MYH11: variants seen among roughly 807,000 people sequenced by gnomAD.
The protein encoded by MYH11 is myosin heavy chain 11, also known as myosin-11.
A neutral mutation model predicts 246.6 loss-of-function variants in MYH11; 80 were observed. The ratio of observed to expected loss-of-function variants is 0.32; its 90% CI spans 0.27 to 0.39. The LOEUF (loss-of-function observed/expected upper bound fraction) is 0.39, where lower values mean the gene tolerates loss of function less well. Ranked by LOEUF, MYH11 falls within the 10% of genes least tolerant of loss-of-function variation. The pLI is 1.00. For synonymous variants in MYH11, 1,071 were observed against 1,015.5 expected (o/e 1.05, Z -1.04); for missense variants, 2,158 against 2,546.8 (o/e 0.85, Z 3.29).
At chr16:15,812,748 C>T (rs890348047) in intron 3 of MYH11, among the ~76,000 whole-genome samples, 1 of 151,910 alleles carries the variant, frequency 6.6e-6, no homozygotes, top group Non-Finnish European at 1.5e-5. Flanking sequence ...TGGTGCATGG[C>T]TGCAGTCCCA....
In MYH11 at chr16:15,771,570, T is replaced by A. The variant is rs112474866; in HGVS notation, c.1032A>T (p.Leu344=). The change falls in exon 9 of 41, where the codon CTA becomes CTT. Residue 344 remains leucine, a splice_region_variant and synonymous_variant. Coordinates refer to ENST00000300036, the MANE Select transcript of MYH11 (RefSeq NM_002474.3). ...AIMGFSEEEQ[L]SILKVVSSVL... ...CCAGACTCAAGGTGTGAGGCTTACA[T>A]AGCTGCTCCTCCTCGCTGAAACCCA... 17 of 1,613,442 alleles carry A rather than the reference T, an allele frequency of 1.1e-5. No homozygotes were observed. The South Asian group carries it at 1.3e-4, about 13-fold the overall frequency.
At chr16:15,719,798 C>G (rs1596714752) in intron 34 of MYH11, 85 bp from the exon 35 acceptor site, 3 of 1,572,034 alleles carry the variant, frequency 1.9e-6, no homozygotes, top group Non-Finnish European at 2.6e-6. Context: ...ACACCCACCC[C>G]TTGGATTTTC....
intron 20 of MYH11, among the ~76,000 whole-genome samples, chr16:15,744,121 A>T (rs906183733): frequency 1.4e-5 from 2 of 144,780 alleles, no homozygotes; most frequent in African/African-American, 5.0e-5. Flanking sequence ...TGCAAAAAGT[A>T]AAAAAAAAAA....
At chr16:15,706,008 A>T (rs1420192690) in intron 40 of MYH11, among the ~76,000 whole-genome samples, 4 of 150,900 alleles carry the variant, frequency 2.7e-5, no homozygotes, top group Non-Finnish European at 1.5e-5. Flanking sequence ...AAAAAAAATC[A>T]AGGCCCAGAG....
chr16:15,735,692 C>T, intron 25 of MYH11, 114 bp from the exon 26 acceptor site: 1 of 969,132 alleles, frequency 1.0e-6, no homozygotes, highest in Non-Finnish European at 1.6e-6. Context: ...ACATCAAACA[C>T]CTTCTATCCA....
chr16:15,798,566 T>A, intron 4 of MYH11, 94 bp downstream of exon 4: 1 of 1,283,194 alleles, frequency 7.8e-7, no homozygotes, highest in Admixed American at 2.5e-5. Flanking sequence ...ATCTCTGCAC[T>A]CATGGATCTT....
intron 3 of MYH11, among the ~76,000 whole-genome samples, chr16:15,799,193 G>C (rs1208678435): frequency 6.6e-6 from 1 of 152,132 alleles, no homozygotes; most frequent in Non-Finnish European, 1.5e-5. Flanking sequence ...TGTGGTCCTT[G>C]AGGTTTCCCC....
chr16:15,758,675 C>T (rs1413332112), intron 12 of MYH11, among the ~76,000 whole-genome samples: 1 of 150,992 alleles, frequency 6.6e-6, no homozygotes, highest in Non-Finnish European at 1.5e-5. Flanking sequence ...GGCATGGTGG[C>T]ACTAATCCCA....
At chr16:15,731,884 G>C (rs1596747289) in intron 27 of MYH11, among the ~76,000 whole-genome samples, 1 of 152,028 alleles carries the variant, frequency 6.6e-6, no homozygotes, top group South Asian at 2.1e-4. Flanking sequence ...AACCTCCCAG[G>C]CTCAAACGAT....
At chr16:15,712,344 C>T (rs11862654) in intron 40 of MYH11, among the ~76,000 whole-genome samples, 4,117 of 152,136 alleles carry the variant, frequency 0.027, 185 homozygotes, top group African/African-American at 0.095. Flanking sequence ...TCTCACCTAG[C>T]GCTGGGGAGA....
chr16:15,837,798 G>A, intron 2 of MYH11, 110 bp downstream of exon 2: 1 of 1,000,212 alleles, frequency 1.0e-6, no homozygotes, highest in East Asian at 2.5e-5. Flanking sequence ...GCCTCCCAAA[G>A]TGCTGGGAGT....
intron 2 of MYH11, among the ~76,000 whole-genome samples, chr16:15,837,146 C>T (rs2043918930): frequency 6.6e-6 from 1 of 152,182 alleles, no homozygotes; most frequent in Admixed American, 6.5e-5. Context: ...GTCCTACGAC[C>T]AACCTGAACA....
intron 3 of MYH11, among the ~76,000 whole-genome samples, chr16:15,808,273 C>T (rs371005249): frequency 3.9e-5 from 6 of 152,294 alleles, no homozygotes; most frequent in Admixed American, 2.6e-4. Context: ...TTGAACTTGT[C>T]CTGTCCATGC....
At chr16:15,716,239 TTC>T (rs1231472078) in intron 38 of MYH11, among the ~76,000 whole-genome samples, 3 of 152,128 alleles carry the variant, frequency 2.0e-5, no homozygotes, top group African/African-American at 7.2e-5. Flanking sequence ...GGCCTGGGGT[TTC>T]TGTTTGAGCC....
At chr16:15,741,172 A>G (rs1379552650) in intron 22 of MYH11, 1 of 568,778 alleles carries the variant, frequency 1.8e-6, no homozygotes, top group Non-Finnish European at 3.2e-6. Context: ...TGAGTTTGGC[A>G]TGTTTTGTTA....
intron 13 of MYH11, among the ~76,000 whole-genome samples, chr16:15,757,228 C>T (rs1657471339): frequency 1.3e-5 from 2 of 151,518 alleles, no homozygotes; most frequent in Admixed American, 6.6e-5. Context: ...GCAATCTCGG[C>T]TTACAGCAAC....
In MYH11 at chr16:15,856,694, T is replaced by TA. The variant is rs145392080; in HGVS notation, c.-18+246dup. 0.025 allele frequency among the ~76,000 whole-genome samples: 3,779 copies of TA among 152,024 alleles called. 52 individuals are homozygous for TA. The highest frequency in any genetic ancestry group is 0.037 in the Non-Finnish European group (2,487 of 67,970). On this transcript the variant is annotated intron_variant, in intron 1 of 40. Transcript: ENST00000300036. ...AGTTGGGTCCAGGCATTGATATCGTTAATAAGCACCCCCAAAATGGTACTT... is the reference window on the plus strand; with the variant it reads ...AGTTGGGTCCAGGCATTGATATCGTTAAATAAGCACCCCCAAAATGGTACTT...
chr16:15,779,024 C>G lies in MYH11; in HGVS notation c.727-181G>C, dbSNP rs1216225943. 1.9e-5 allele frequency: 13 copies of G among 688,318 alleles called. No individual in the cohort carries two copies. The Admixed American group carries it at 2.6e-4, about 14-fold the overall frequency. 42.6% of individuals were successfully genotyped at this position (688,318 alleles called of 1,614,324 possible). A position where few individuals can be genotyped will look rare whatever the true frequency, so the allele number is the denominator to read the frequency against. ...GGAACCAACATCTGCTGAGCTGAAA[C>G]CACCCCAGGCCTGACAGCAACAGAA... On this transcript the variant is annotated intron_variant, in intron 6 of 40. Coordinates refer to ENST00000300036, the MANE Select transcript of MYH11 (RefSeq NM_002474.3).
chr16:15,753,521 C>A lies in MYH11; in HGVS notation c.1750-13G>T. ...CATTATAGTCCACCTGCCAAGGACA[C>A]CCTGCTGGTCAGAACCCCTGGGAAA... On this transcript the variant is annotated splice_polypyrimidine_tract_variant and intron_variant, in intron 14 of 40. Transcript: ENST00000300036. 2 of 1,605,452 alleles carry A rather than the reference C, an allele frequency of 1.2e-6. No homozygotes were observed. Among genetic ancestry groups the A allele is most frequent in the Non-Finnish European group, 1.7e-6 (2 of 1,172,074 alleles).
Sources: gnomAD v4.1 joint callset for allele counts (sites outside exome capture counted in the v4.1 genomes callset) on GRCh38, gnomAD v4.1.1 for gene constraint, MANE v1.5 for transcripts, NCBI Gene and HGNC (gene_info 2026-07-23, HGNC 2026-07-21) for gene names.